ROCK2: variants seen among roughly 807,000 people sequenced by gnomAD.
The protein encoded by ROCK2 is Rho associated coiled-coil containing protein kinase 2, also known as rho-associated protein kinase 2.
Under a neutral mutation model 195.1 loss-of-function variants are expected in ROCK2, and 61 were observed. The observed-to-expected ratio is 0.31, with a 90% CI of 0.25 to 0.39. The LOEUF is 0.39. ROCK2 is among the 10% of genes least tolerant of loss of function. The pLI is 1.00. For missense variants in ROCK2, 1,109 were observed against 1,637.4 expected, an observed-to-expected ratio of 0.68 and a Z score of 5.57; for synonymous variants, 504 against 545.5, an observed-to-expected ratio of 0.92 and a Z score of 1.06.
At position 11,197,120 on chromosome 2, in the gene ROCK2, T is replaced by C; in HGVS notation, c.3448+60A>G. The C allele has an allele frequency of 7.8e-7, 1 of 1,285,188 alleles. No homozygotes were observed. The highest frequency in any genetic ancestry group is 2.6e-5 in the East Asian group (1 of 38,514). The allele number at this position is 1,285,188 out of a possible 1,614,324, so 79.6% of individuals were successfully genotyped here. The stretch of plus-strand genomic sequence containing the variant: ...CCTTCAGAGCAGTCAGTCGCAAGAC[T>C]TAAAACAATCAACTGATTTATATTT... On this transcript the variant is annotated intron_variant, in intron 27 of 32. Coordinates refer to ENST00000315872, the MANE Select transcript of ROCK2 (RefSeq NM_004850.5). The surrounding 1 kb of genome is among the most constrained non-coding windows in gnomAD (Gnocchi z 4.9).
At chr2:11,343,926 G>C in intron 1 of ROCK2, 70 bp downstream of exon 1, 2 of 1,516,040 alleles carry the variant, frequency 1.3e-6, no homozygotes, top group Non-Finnish European at 1.8e-6. Context: ...GACGGGCACG[G>C]AGGGCTGGGC....
At chr2:11,250,326 G>GA (rs1481727626) in intron 3 of ROCK2, among the ~76,000 whole-genome samples, 3 of 151,910 alleles carry the variant, frequency 2.0e-5, no homozygotes, top group Admixed American at 6.6e-5. Flanking sequence ...TGTGTTTTAG[G>GA]AAAAAAATAC....
At chr2:11,219,395 C>CAGCT (rs1275556084) in intron 9 of ROCK2, among the ~76,000 whole-genome samples, 1 of 148,364 alleles carries the variant, frequency 6.7e-6, no homozygotes, top group Non-Finnish European at 1.5e-5. Context: ...CCTGTAGTAC[C>CAGCT]AGCTACTCGG....
intron 1 of ROCK2, among the ~76,000 whole-genome samples, chr2:11,340,886 T>C (rs1424688753): frequency 2.0e-5 from 3 of 152,206 alleles, no homozygotes; most frequent in Non-Finnish European, 2.9e-5. Flanking sequence ...GACTGTTTAC[T>C]CTTTGAAAGA....
At chr2:11,206,842 A>G (rs1392065370) in intron 20 of ROCK2, among the ~76,000 whole-genome samples, 1 of 152,222 alleles carries the variant, frequency 6.6e-6, no homozygotes, top group Non-Finnish European at 1.5e-5. Flanking sequence ...GCTCCCTTTC[A>G]CAAGTGTGAT....
intron 32 of ROCK2, among the ~76,000 whole-genome samples, chr2:11,186,039 C>T (rs1365599937): frequency 2.6e-5 from 4 of 152,192 alleles, no homozygotes; most frequent in Non-Finnish European, 5.9e-5. Flanking sequence ...TCTGATACAG[C>T]TGGTTAACTT....
intron 2 of ROCK2, 99 bp downstream of exon 2, chr2:11,287,545 AATAAATAAGTT>A (rs562951763): frequency 7.0e-4 from 268 of 382,484 alleles, no homozygotes; most frequent in African/African-American, 5.0e-3. Context: ...ACTTAAGTTT[AATAAATAAGTT>A]GATTAAATTA....
chr2:11,224,376 T>C lies in ROCK2; in HGVS notation c.953A>G (p.Asp318Gly), dbSNP rs1471943360. 6.2e-7 allele frequency: 1 copy of C among 1,613,488 alleles called. No homozygotes were observed. Among genetic ancestry groups the C allele is most frequent in the Admixed American group, 1.7e-5 (1 of 59,986 alleles). ...CTTTGCATGTTTGGAAATTTCTGCA[T>C]CTTCAGGGAAACACAGTGAATTCTT... ...DHKNSLCFPE[D>G]AEISKHAKNL... The change falls in exon 7 of 33, where the codon GAT becomes GGT. Residue 318 changes from aspartate to glycine, a missense_variant. Physicochemically the swap from Asp to Gly is moderately conservative, Grantham distance 94. Around this residue, in one of 6 missense-constraint regions of ROCK2, gnomAD observed 253 missense variants for 455.5 expected, o/e 0.56. Transcript: ENST00000315872.
intron 18 of ROCK2, among the ~76,000 whole-genome samples, chr2:11,211,309 T>A (rs1432985600): frequency 6.6e-6 from 1 of 152,176 alleles, no homozygotes; most frequent in Non-Finnish European, 1.5e-5. Context: ...ATTACAAGAA[T>A]TACCTGTATC....
intron 1 of ROCK2, among the ~76,000 whole-genome samples, chr2:11,314,079 G>T (rs1668118141): frequency 6.6e-6 from 1 of 151,800 alleles, no homozygotes; most frequent in Non-Finnish European, 1.5e-5. Context: ...ATTTATCCAA[G>T]CAATGGAATA....
At chr2:11,264,955 C>T (rs1666362956) in intron 3 of ROCK2, among the ~76,000 whole-genome samples, 1 of 152,150 alleles carries the variant, frequency 6.6e-6, no homozygotes, top group Non-Finnish European at 1.5e-5. Context: ...TCAAAGAGAA[C>T]ACACTCTGGA....
At chr2:11,290,017 C>T (rs976711053) in intron 1 of ROCK2, among the ~76,000 whole-genome samples, 2 of 152,146 alleles carry the variant, frequency 1.3e-5, no homozygotes, top group Admixed American at 6.6e-5. Flanking sequence ...AGGTTGATAA[C>T]ATATACATTT....
chr2:11,294,102 A>G (rs557560284), intron 1 of ROCK2, among the ~76,000 whole-genome samples: 155 of 152,220 alleles, frequency 1.0e-3, no homozygotes, highest in African/African-American at 3.7e-3. Flanking sequence ...GCTTGCAGTG[A>G]GCCGAGATCG....
At chr2:11,245,516 A>C (rs979332234) in intron 4 of ROCK2, among the ~76,000 whole-genome samples, 3 of 151,978 alleles carry the variant, frequency 2.0e-5, no homozygotes, top group Admixed American at 6.5e-5. Context: ...TTTTTTAACA[A>C]AGCAATCTGG....
intron 1 of ROCK2, among the ~76,000 whole-genome samples, chr2:11,301,752 T>C (rs1349721383): frequency 7.1e-6 from 1 of 141,230 alleles, no homozygotes; most frequent in Non-Finnish European, 1.5e-5. Context: ...CACTCCAGCC[T>C]GGGCAACAAG....
At chr2:11,321,065 G>C (rs112206295) in intron 1 of ROCK2, among the ~76,000 whole-genome samples, 1 of 152,092 alleles carries the variant, frequency 6.6e-6, no homozygotes, top group Non-Finnish European at 1.5e-5. Context: ...TACAATTCAC[G>C]GGACTTGAGG....
chr2:11,217,321 T>C (rs753624485), intron 11 of ROCK2, 152 bp from the exon 12 acceptor site: 7 of 725,626 alleles, frequency 9.6e-6, no homozygotes, highest in Admixed American at 6.9e-5. Context: ...ATGTGACTTA[T>C]ATTGATAAAA....
intron 5 of ROCK2, chr2:11,234,730 T>C (rs1665144055): frequency 6.6e-6 from 1 of 152,062 alleles, no homozygotes; most frequent in South Asian, 2.1e-4. Flanking sequence ...CATTAAAGAA[T>C]GATCAGTCAG....
At chr2:11,284,585 A>C (rs1301114392) in intron 3 of ROCK2, among the ~76,000 whole-genome samples, 1 of 152,198 alleles carries the variant, frequency 6.6e-6, no homozygotes, top group East Asian at 1.9e-4. Context: ...TTTTTAAAAA[A>C]ACAGGCCAAC....
Sources: gnomAD v4.1 joint callset for allele counts (sites outside exome capture counted in the v4.1 genomes callset) on GRCh38, gnomAD v4.1.1 for gene constraint, gnomAD v4.1.1 regional missense constraint, Gnocchi (gnomAD v3.1) non-coding constraint, MANE v1.5 for transcripts, NCBI Gene and HGNC (gene_info 2026-07-23, HGNC 2026-07-21) for gene names.